USP9X: variants seen among roughly 807,000 people sequenced by gnomAD.
USP9X encodes ubiquitin carboxyl-terminal hydrolase 9X.
A neutral mutation model predicts 190.3 loss-of-function variants in USP9X; 7 were observed. The observed-to-expected ratio is 0.04, with a 90% CI of 0.02 to 0.07. The LOEUF is 0.07. USP9X is among the 10% of genes least tolerant of loss of function. USP9X has a pLI of 1.00. For synonymous variants in USP9X, 645 were observed against 659.5 expected (o/e 0.98, Z 0.34); for missense variants, 1,010 against 1,916.9 (o/e 0.53, Z 8.83).
intron 1 of USP9X, among the ~76,000 whole-genome samples, chrX:41,095,087 C>T (rs750030372): frequency 1.2e-4 from 13 of 110,325 alleles, no homozygotes; most frequent in Non-Finnish European, 2.3e-4. Context: ...TTTTGGATTC[C>T]AGATTTTTCA....
intron 32 of USP9X, among the ~76,000 whole-genome samples, chrX:41,207,707 C>T (rs778642896): frequency 1.1e-3 from 126 of 111,104 alleles, no homozygotes; most frequent in African/African-American, 4.0e-3. Flanking sequence ...AGGTGCTTCC[C>T]GGCCAGCTGA....
At chrX:41,133,726 A>G (rs1450739473) in intron 4 of USP9X, among the ~76,000 whole-genome samples, 4 of 111,903 alleles carry the variant, frequency 3.6e-5, no homozygotes, top group Admixed American at 9.5e-5. Context: ...TTCACTTACC[A>G]TGGTGACCTT....
chrX:41,199,550 CTGCCACCATGCCTGGCTAATTTTGTAT>C (rs1431639074), intron 30 of USP9X, among the ~76,000 whole-genome samples: 1 of 111,106 alleles, frequency 9.0e-6, no homozygotes, highest in Admixed American at 9.6e-5. Context: ...TTACAGGCGC[CTGCCACCATGCCTGGCTAATTTTGTAT>C]TGCCACCATG....
chrX:41,158,086 A>G (rs1235998723), intron 14 of USP9X, among the ~76,000 whole-genome samples: 2 of 111,355 alleles, frequency 1.8e-5, no homozygotes, highest in African/African-American at 6.5e-5. Context: ...GAAATTATGC[A>G]ATCTGAAGAA....
intron 18 of USP9X, among the ~76,000 whole-genome samples, chrX:41,168,649 C>A (rs761985422): frequency 1.8e-5 from 2 of 112,032 alleles, no homozygotes; most frequent in Admixed American, 1.9e-4. Context: ...CAGGCTACCA[C>A]ACCTGGCTAA....
chrX:41,172,486 C>T (rs1175058303), intron 21 of USP9X, among the ~76,000 whole-genome samples: 1 of 111,949 alleles, frequency 8.9e-6, no homozygotes, highest in Non-Finnish European at 1.9e-5. Context: ...ACCATTATGT[C>T]TGGAGTGTCC....
chrX:41,204,665 A>G (rs2063074471), intron 31 of USP9X, among the ~76,000 whole-genome samples: 1 of 111,517 alleles, frequency 9.0e-6, no homozygotes. Context: ...TTTTTACTGT[A>G]CCTTTTCTAT....
intron 2 of USP9X, 129 bp downstream of exon 2, chrX:41,123,853 G>A: frequency 1.7e-6 from 1 of 583,344 alleles, no homozygotes; most frequent in Non-Finnish European, 2.7e-6. Context: ...GACCAGCCTG[G>A]TCAACAGGGT....
chrX:41,089,194 A>T (rs1047247628), intron 1 of USP9X, among the ~76,000 whole-genome samples: 5 of 112,005 alleles, frequency 4.5e-5, no homozygotes, highest in Non-Finnish European at 7.5e-5. Context: ...TATTAGCATG[A>T]TTATCATTTG....
At chrX:41,101,511 C>G (rs759154046) in intron 1 of USP9X, among the ~76,000 whole-genome samples, 1 of 110,296 alleles carries the variant, frequency 9.1e-6, no homozygotes, top group Admixed American at 9.7e-5. Flanking sequence ...TGCTTGGACC[C>G]GGGAGGTTGG....
chrX:41,111,523 A>G (rs1318886390), intron 1 of USP9X, among the ~76,000 whole-genome samples: 2 of 111,988 alleles, frequency 1.8e-5, no homozygotes, highest in Admixed American at 1.9e-4. Context: ...TTTTAGTAAG[A>G]AGATAAACTC....
chrX:41,170,199 A>G lies in USP9X; in HGVS notation c.2841A>G (p.Arg947=). 2 of 1,211,387 alleles carry G rather than the reference A, an allele frequency of 1.7e-6. No homozygotes were observed. The highest frequency in any genetic ancestry group is 2.2e-5 in the Admixed American group (1 of 46,027). The change falls in exon 19 of 45, where the codon AGA becomes AGG. Residue 947 remains arginine (R), a synonymous_variant. Coordinates refer to ENST00000378308, the MANE Select transcript of USP9X (RefSeq NM_001039591.3). ...GGELIDPADD[R]KLIGQLNLKD... ...AGCTGATAGATCCTGCAGATGATAG[A>G]AAGTTGATTGGACAATTAAACTTAA...
intron 21 of USP9X, among the ~76,000 whole-genome samples, chrX:41,177,291 A>G (rs890062561): frequency 2.7e-5 from 3 of 112,543 alleles, no homozygotes; most frequent in Admixed American, 9.4e-5. Flanking sequence ...AGGTTCATAC[A>G]TTGCATAATT....
intron 11 of USP9X, among the ~76,000 whole-genome samples, chrX:41,145,913 T>C (rs1056092029): frequency 3.7e-4 from 42 of 112,233 alleles, no homozygotes; most frequent in African/African-American, 1.3e-3. Flanking sequence ...CGCTGCCTTA[T>C]GGAAAATTTT....
intron 25 of USP9X, among the ~76,000 whole-genome samples, chrX:41,188,941 A>G (rs2147170152): frequency 8.9e-6 from 1 of 112,165 alleles, no homozygotes; most frequent in South Asian, 3.7e-4. Flanking sequence ...AAATGGCACA[A>G]TAGGCAAGCA....
Position 41,085,605 on chromosome X carries a change from C to T in USP9X, c.-663C>T, listed in dbSNP as rs2061902956. 1 of 274,672 alleles carries T rather than the reference C, an allele frequency of 3.6e-6. No individual in the cohort carries two copies. Among genetic ancestry groups the T allele is most frequent in the Non-Finnish European group, 6.4e-6 (1 of 156,602 alleles). 22.6% of individuals were successfully genotyped at this position (274,672 alleles called of 1,213,427 possible). On this transcript the variant is annotated 5_prime_UTR_variant, in exon 1 of 45. Transcript: ENST00000378308. ...ACACAGCTCCCGGGCCTCGCGGGAGCCCGCCGCCGCCGCCTCTCTCTCACG... is the reference window on the plus strand; with the variant it reads ...ACACAGCTCCCGGGCCTCGCGGGAGTCCGCCGCCGCCGCCTCTCTCTCACG...
intron 1 of USP9X, among the ~76,000 whole-genome samples, chrX:41,112,690 C>T (rs996311104): frequency 3.6e-5 from 4 of 111,967 alleles, no homozygotes; most frequent in Non-Finnish European, 5.6e-5. Context: ...AGACCTGTTT[C>T]GCCTTGCCCA....
chrX:41,125,734 G>A (rs774326918), intron 2 of USP9X, among the ~76,000 whole-genome samples: 67 of 97,091 alleles, frequency 6.9e-4, no homozygotes, highest in African/African-American at 2.3e-3. Flanking sequence ...ACGCGCGCGC[G>A]CTCTCTCTCT....
chrX:41,127,013 G>A (rs1003394337), intron 2 of USP9X, among the ~76,000 whole-genome samples: 4 of 111,286 alleles, frequency 3.6e-5, no homozygotes, highest in Admixed American at 1.9e-4. Context: ...ACTCTTGGAT[G>A]TGGTTGCTGG....
Sources: gnomAD v4.1 joint callset for allele counts (sites outside exome capture counted in the v4.1 genomes callset) on GRCh38, gnomAD v4.1.1 for gene constraint, MANE v1.5 for transcripts, NCBI Gene and HGNC (gene_info 2026-07-23, HGNC 2026-07-21) for gene names.